Variants in DCDC1 observed in about 807,000 individuals in gnomAD.
DCDC1 encodes doublecortin domain-containing protein 1.
A neutral mutation model predicts 178.3 loss-of-function variants in DCDC1; 200 were observed. That is an observed-to-expected ratio of 1.12 (90% CI 1.00 to 1.26). The LOEUF (loss-of-function observed/expected upper bound fraction) is 1.26. Among genes scored for constraint, DCDC1 ranks in the 50% most tolerant of loss-of-function variants. The pLI is 0.00. For missense variants in DCDC1, 1,983 were observed against 1,749.2 expected, an observed-to-expected ratio of 1.13 and a Z score of -2.38; for synonymous variants, 690 against 604.8, an observed-to-expected ratio of 1.14 and a Z score of -2.07.
At position 30,905,022 on chromosome 11, in the gene DCDC1, G is replaced by A. The variant is rs765341550; in HGVS notation, c.4247C>T (p.Ala1416Val). Reference protein sequence around the residue: ...ATHQKAVKIIAYKNGDGYRNG... With the variant: ...ATHQKAVKIIVYKNGDGYRNG... ...ACGATACCCATCCCCATTTTTGTAT[G>A]CAATTATTTTCACTGCCTTCTGGTG... is the stretch of plus-strand genomic sequence containing the variant. Residue 1416 changes from alanine (A) to valine (V), a missense_variant, in exon 31 of 39, where the codon GCA (alanine) becomes GTA (valine). By Grantham distance (64) the Ala-to-Val change is moderately conservative. Transcript: ENST00000684477. 6 of 1,613,856 alleles carry A rather than the reference G, an allele frequency of 3.7e-6. No individual in the cohort carries two copies. The South Asian group carries it at 6.6e-5, about 18-fold the overall frequency.
chr11:31,139,120 T>C (rs1398187659), intron 9 of DCDC1, among the ~76,000 whole-genome samples: 3 of 151,950 alleles, frequency 2.0e-5, no homozygotes, highest in African/African-American at 7.2e-5. Context: ...ACACACATTA[T>C]ATATATATAC....
chr11:30,956,811 T>G lies in DCDC1; in HGVS notation c.2592-4243A>C, dbSNP rs910763754. ...GTGTTGACAACTACTCTTTTAAATT[T>G]ATAACCACAAACCTCAAGTGGACCC... On this transcript the variant is annotated intron_variant, in intron 20 of 38. Transcript: ENST00000684477. 1.2e-4 allele frequency among the ~76,000 whole-genome samples: 18 copies of G among 152,230 alleles called. No homozygotes were observed. In the South Asian group the frequency reaches 1.5e-3, roughly 12 times the overall value.
intron 3 of DCDC1, among the ~76,000 whole-genome samples, chr11:31,327,261 C>T (rs535471817): frequency 6.6e-5 from 10 of 152,100 alleles, no homozygotes; most frequent in South Asian, 6.2e-4. Context: ...CTCCAGCTCC[C>T]GGGTTCAAGC....
At chr11:30,968,754 G>A (rs148711906) in intron 20 of DCDC1, among the ~76,000 whole-genome samples, 1 of 66,292 alleles carries the variant, frequency 1.5e-5, no homozygotes. Flanking sequence ...TATTTTCTGT[G>A]GTTTCAGGCA....
chr11:31,173,087 T>C (rs964626815), intron 9 of DCDC1, among the ~76,000 whole-genome samples: 3 of 152,370 alleles, frequency 2.0e-5, no homozygotes, highest in Non-Finnish European at 2.9e-5. Flanking sequence ...TCGAGGATTA[T>C]GTATCAATGC....
At chr11:30,919,331 A>G (rs1946078208) in intron 25 of DCDC1, among the ~76,000 whole-genome samples, 3 of 152,170 alleles carry the variant, frequency 2.0e-5, no homozygotes, top group African/African-American at 7.2e-5. Context: ...TGTTATTAGG[A>G]GTATTCAAGA....
chr11:31,307,234 A>G (rs566571265), intron 4 of DCDC1, among the ~76,000 whole-genome samples: 26 of 152,366 alleles, frequency 1.7e-4, no homozygotes, highest in Non-Finnish European at 1.5e-5. Context: ...TTAACAGTTT[A>G]TGATAACAAT....
intron 20 of DCDC1, among the ~76,000 whole-genome samples, chr11:31,021,665 T>C (rs1260124357): frequency 6.6e-6 from 1 of 152,144 alleles, no homozygotes; most frequent in African/African-American, 2.4e-5. Flanking sequence ...ATTGTTATTA[T>C]ATACCTGTTT....
chr11:30,903,489 A>G lies in DCDC1; in HGVS notation c.4503T>C (p.Ser1501=). 1.3e-6 allele frequency: 2 copies of G among 1,593,900 alleles called. No homozygotes were observed. Among genetic ancestry groups the G allele is most frequent in the East Asian group, 4.5e-5 (2 of 44,512 alleles). ...PVGKEQIIVE[S]MEENPRMKVK... is the part of the protein sequence containing the mutation. ...CTGTAGATTGTAGCCAACCTTCCATACTTTCAACAATTATCTGTTCTTTTC... is the reference window on the plus strand; with the variant it reads ...CTGTAGATTGTAGCCAACCTTCCATGCTTTCAACAATTATCTGTTCTTTTC... Residue 1501 remains serine, a synonymous_variant, in exon 32 of 39, where the codon AGT becomes AGC. Coordinates refer to ENST00000684477, the MANE Select transcript of DCDC1 (RefSeq NM_001387274.1).
chr11:30,980,438 T>C (rs1411310489), intron 20 of DCDC1, among the ~76,000 whole-genome samples: 6 of 152,156 alleles, frequency 3.9e-5, no homozygotes, highest in Non-Finnish European at 8.8e-5. Context: ...ACCAGTAGTA[T>C]ATCATGCTAC....
At chr11:31,149,511 G>A (rs561673351) in intron 9 of DCDC1, among the ~76,000 whole-genome samples, 19 of 152,058 alleles carry the variant, frequency 1.2e-4, no homozygotes, top group South Asian at 4.2e-4. Context: ...GCAGCAACCC[G>A]CCCAGCAGCA....
At chr11:30,936,564 A>G (rs1011917172) in intron 21 of DCDC1, among the ~76,000 whole-genome samples, 5 of 152,190 alleles carry the variant, frequency 3.3e-5, no homozygotes, top group Non-Finnish European at 7.3e-5. Flanking sequence ...GGGCAGCCTG[A>G]AAGTTGAGGT....
At chr11:31,312,024 A>C (rs1406793164) in intron 3 of DCDC1, among the ~76,000 whole-genome samples, 1 of 152,038 alleles carries the variant, frequency 6.6e-6, no homozygotes, top group Non-Finnish European at 1.5e-5. Flanking sequence ...TATAGGGATG[A>C]TGAAAAGAGA....
At chr11:31,266,380 C>T (rs564454467) in intron 7 of DCDC1, among the ~76,000 whole-genome samples, 1 of 152,140 alleles carries the variant, frequency 6.6e-6, no homozygotes, top group Admixed American at 6.5e-5. Flanking sequence ...AAAAAAAGTT[C>T]TACTCACAAG....
chr11:31,107,664 G>C (rs1039444664), intron 12 of DCDC1, among the ~76,000 whole-genome samples: 1 of 151,986 alleles, frequency 6.6e-6, no homozygotes, highest in African/African-American at 2.4e-5. Context: ...TCTAATTTAG[G>C]GCATATTTCA....
chr11:31,243,192 T>C (rs914236619), intron 8 of DCDC1, among the ~76,000 whole-genome samples: 2 of 151,738 alleles, frequency 1.3e-5, no homozygotes, highest in Admixed American at 1.3e-4. Context: ...TATTCAGAAT[T>C]ATAACTCTTC....
intron 20 of DCDC1, among the ~76,000 whole-genome samples, chr11:31,036,685 A>G (rs1228167891): frequency 1.3e-5 from 2 of 152,200 alleles, no homozygotes; most frequent in African/African-American, 4.8e-5. Context: ...CAAGTCCCTT[A>G]TATATTTTAT....
intron 36 of DCDC1, among the ~76,000 whole-genome samples, chr11:30,888,098 A>AAGAAAGAAAGAGAGAGAGAG: frequency 9.5e-6 from 1 of 105,502 alleles, no homozygotes; most frequent in South Asian, 3.4e-4. Flanking sequence ...GAAAGAAAGA[A>AAGAAAGAAAGAGAGAGAGAG]AAAGAAAGAA....
intron 9 of DCDC1, among the ~76,000 whole-genome samples, chr11:31,210,394 A>G (rs1972354934): frequency 6.6e-6 from 1 of 152,172 alleles, no homozygotes. Flanking sequence ...TATAGCTAGC[A>G]TTTACTGAGC....
Sources: allele counts gnomAD v4.1 joint callset (sites outside exome capture counted in the v4.1 genomes callset), GRCh38; gene constraint gnomAD v4.1.1; transcripts MANE v1.5; gene names NCBI Gene and HGNC (gene_info 2026-07-23, HGNC 2026-07-21).